CUBN: variants seen among roughly 807,000 people sequenced by gnomAD.
The protein encoded by CUBN is cubilin, also known as 460 kDa receptor.
Under a neutral mutation model 405.3 loss-of-function variants are expected in CUBN, and 282 were observed. That is an observed-to-expected ratio of 0.70 (90% CI 0.63 to 0.77). The LOEUF (loss-of-function observed/expected upper bound fraction) is 0.77, where lower values mean the gene tolerates loss of function less well. Among genes scored for constraint, CUBN ranks in the 30% least tolerant of loss-of-function variants. CUBN has a pLI of 0.00. For missense variants in CUBN, 4,514 were observed against 4,475.2 expected (o/e 1.01, Z -0.25); for synonymous variants, 1,684 against 1,617.0 (o/e 1.04, Z -0.99).
intron 28 of CUBN, among the ~76,000 whole-genome samples, chr10:17,002,973 A>C (rs1330033364): frequency 6.6e-6 from 1 of 152,220 alleles, no homozygotes; most frequent in Non-Finnish European, 1.5e-5. Context: ...TCCAGTCTCC[A>C]TGCTTAAAAA....
Position 16,840,318 on chromosome 10 carries a change from T to C in CUBN, c.10032+12A>G, listed in dbSNP as rs1400924884. ...CACTAGATGTGACTGCCATTCATCT[T>C]ATAATTGTTACCTGCGGTGAGTCCT... is the stretch of plus-strand genomic sequence containing the variant. On this transcript the variant is annotated intron_variant, in intron 62 of 66. Transcript: ENST00000377833. The C allele has an allele frequency of 6.2e-7, 1 of 1,611,528 alleles. No homozygotes were observed. Among genetic ancestry groups the C allele is most frequent in the African/African-American group, 1.3e-5 (1 of 74,874 alleles).
intron 43 of CUBN, among the ~76,000 whole-genome samples, chr10:16,922,579 G>C (rs1842066020): frequency 6.6e-6 from 1 of 152,096 alleles, no homozygotes; most frequent in Non-Finnish European, 1.5e-5. Flanking sequence ...GTGGCATCCA[G>C]GGCCCTGAGC....
chr10:17,082,518 T>C (rs998830747), intron 17 of CUBN, among the ~76,000 whole-genome samples: 12 of 152,174 alleles, frequency 7.9e-5, no homozygotes, highest in African/African-American at 1.2e-4. Flanking sequence ...CTGATAGTTC[T>C]TTAGAACCAG....
rs1005577646 is a variant in CUBN at position 16,874,452 on chromosome 10, T to C, written c.9158A>G (p.Tyr3053Cys). The change falls in exon 58 of 67, where the codon TAT becomes TGT. Residue 3053 changes from tyrosine (Y) to cysteine (C), a missense_variant. This residue lies in a region of CUBN where 1,186 missense variants were observed against 1,186.9 expected (regional missense o/e 1.00). Coordinates refer to ENST00000377833, the MANE Select transcript of CUBN (RefSeq NM_001081.4). Reference sequence around the variant, plus strand: ...ATCATTTGGGTAGTCTGCGTATGAATAGGCAGGACTTGTGATGATTCCAGA... The same window carrying C: ...ATCATTTGGGTAGTCTGCGTATGAACAGGCAGGACTTGTGATGATTCCAGA... ...FSSGIITSPAYSYADYPNDMH... is the reference protein window; with the variant it reads ...FSSGIITSPACSYADYPNDMH... 3.1e-6 allele frequency: 5 copies of C among 1,614,014 alleles called. No homozygotes were observed. The African/African-American group carries it at 4.0e-5, about 13-fold the overall frequency.
At chr10:16,865,625 G>A (rs1219846554) in intron 59 of CUBN, among the ~76,000 whole-genome samples, 3 of 152,070 alleles carry the variant, frequency 2.0e-5, no homozygotes, top group Non-Finnish European at 2.9e-5. Context: ...ATTGTAAAAT[G>A]CACCAATCAA....
chr10:17,047,212 C>G (rs990926770), intron 23 of CUBN, among the ~76,000 whole-genome samples: 1 of 152,122 alleles, frequency 6.6e-6, no homozygotes, highest in Non-Finnish European at 1.5e-5. Flanking sequence ...ATAATCACTT[C>G]AAAATAACCA....
chr10:17,008,762 T>C (rs1030141823), intron 28 of CUBN, among the ~76,000 whole-genome samples: 1 of 152,072 alleles, frequency 6.6e-6, no homozygotes, highest in Non-Finnish European at 1.5e-5. Flanking sequence ...ATGGTTTTGA[T>C]TTTCTATTTA....
chr10:17,107,833 C>T (rs751833448), intron 10 of CUBN, among the ~76,000 whole-genome samples: 32 of 152,116 alleles, frequency 2.1e-4, no homozygotes, highest in Non-Finnish European at 4.6e-4. Flanking sequence ...GCTTATATTA[C>T]TTGCAAGATT....
chr10:16,981,506 C>G (rs147926986), intron 31 of CUBN, among the ~76,000 whole-genome samples: 1 of 152,336 alleles, frequency 6.6e-6, no homozygotes, highest in African/African-American at 2.4e-5. Context: ...TAACACTTAG[C>G]TGTCCATGGA....
intron 31 of CUBN, among the ~76,000 whole-genome samples, chr10:16,963,546 C>A (rs978537173): frequency 6.6e-6 from 1 of 152,170 alleles, no homozygotes; most frequent in African/African-American, 2.4e-5. Flanking sequence ...AGCAATTCCA[C>A]TTCTGCAGGT....
rs117198639 is a variant in CUBN at position 16,977,609 on chromosome 10, C to T, written c.4695+4875G>A. ...CACCATCCTTCAAGTCCATGTGTGA[C>T]CTGATTCTTCCTGGACACCAAACAA... On this transcript the variant is annotated intron_variant, in intron 31 of 66. Coordinates refer to ENST00000377833, the MANE Select transcript of CUBN (RefSeq NM_001081.4). Among the ~76,000 whole-genome samples the T allele has an allele frequency of 4.9e-3, 740 of 152,318 alleles. 5 individuals are homozygous for T. Among genetic ancestry groups the T allele is most frequent in the Non-Finnish European group, 8.9e-3 (604 of 68,028 alleles).
intron 31 of CUBN, among the ~76,000 whole-genome samples, chr10:16,958,898 A>G (rs1024610725): frequency 6.6e-6 from 1 of 152,232 alleles, no homozygotes; most frequent in Non-Finnish European, 1.5e-5. Flanking sequence ...ACAGTTCAGA[A>G]GGCTGGGAAG....
At chr10:16,899,495 G>C (rs1486298662) in intron 53 of CUBN, among the ~76,000 whole-genome samples, 1 of 152,118 alleles carries the variant, frequency 6.6e-6, no homozygotes, top group Non-Finnish European at 1.5e-5. Flanking sequence ...TTCTCTTTGA[G>C]CCTATGTAGT....
intron 60 of CUBN, among the ~76,000 whole-genome samples, chr10:16,842,887 C>G (rs1471536784): frequency 1.3e-5 from 2 of 152,214 alleles, no homozygotes; most frequent in African/African-American, 2.4e-5. Flanking sequence ...CAGCCCTGTT[C>G]CTGCTGCTCT....
chr10:17,065,135 C>CA (rs1177664872), intron 22 of CUBN, among the ~76,000 whole-genome samples: 1 of 140,450 alleles, frequency 7.1e-6, no homozygotes, highest in East Asian at 2.0e-4. Context: ...TCTCTCCCCC[C>CA]CCCCCCACAC....
rs7914762 is a variant in CUBN at position 16,961,772 on chromosome 10, C to T, written c.4696-7224G>A. Among the ~76,000 whole-genome samples the T allele has an allele frequency of 4.6e-3, 624 of 135,594 alleles. 3 individuals are homozygous for T. The highest frequency in any genetic ancestry group is 0.016 in the African/African-American group (574 of 34,906). 89.0% of individuals were successfully genotyped at this position (135,594 alleles called of 152,430 possible). On this transcript the variant is annotated intron_variant, in intron 31 of 66. Transcript: ENST00000377833. ...TGTGGCCCAGGCTGGAGTGCAGTGG[C>T]GGGATCTCGACTCACTGCAACCTCC... is the stretch of plus-strand genomic sequence containing the variant.
At chr10:17,070,339 G>A (rs1161064862) in intron 19 of CUBN, among the ~76,000 whole-genome samples, 2 of 152,012 alleles carry the variant, frequency 1.3e-5, no homozygotes, top group African/African-American at 4.8e-5. Context: ...GAACATTTTG[G>A]TTATTCTGGT....
chr10:16,956,812 AT>A (rs985412060), intron 31 of CUBN, among the ~76,000 whole-genome samples: 5 of 152,030 alleles, frequency 3.3e-5, no homozygotes, highest in Non-Finnish European at 7.4e-5. Flanking sequence ...TTAGAATAGC[AT>A]TTTTTCATTT....
intron 22 of CUBN, among the ~76,000 whole-genome samples, chr10:17,048,710 G>A (rs1277026179): frequency 6.6e-6 from 1 of 152,154 alleles, no homozygotes. Flanking sequence ...TATAGGAGTA[G>A]ACAGAGGTCT....
Sources: gnomAD v4.1 joint callset for allele counts (sites outside exome capture counted in the v4.1 genomes callset) on GRCh38, gnomAD v4.1.1 for gene constraint, gnomAD v4.1.1 regional missense constraint, MANE v1.5 for transcripts, NCBI Gene and HGNC (gene_info 2026-07-23, HGNC 2026-07-21) for gene names.